OR51B5: variants seen among roughly 807,000 people sequenced by gnomAD.
The protein encoded by OR51B5 is olfactory receptor 51B5.
For synonymous variants in OR51B5, 186 were observed against 144.8 expected (o/e 1.28, Z -2.04); for missense variants, 456 against 374.6 (o/e 1.22, Z -1.79).
At chr11:5,347,703 TG>T (rs1388312760), upstream of OR51B5, among the ~76,000 whole-genome samples, 1 of 152,002 alleles carries the variant, frequency 6.6e-6, no homozygotes, top group African/African-American at 2.4e-5. Context: ...TGAGTTGTGC[TG>T]TTCAAAGCCC....
At chr11:5,502,535 C>T (rs1359671567) in intron 1 of OR51B5, among the ~76,000 whole-genome samples, 1 of 152,158 alleles carries the variant, frequency 6.6e-6, no homozygotes, top group Non-Finnish European at 1.5e-5. Context: ...CTGCCATATG[C>T]ACTAGCAATT....
At chr11:5,375,139 C>T (rs1379527283) in intron 1 of OR51B5, among the ~76,000 whole-genome samples, 1 of 147,506 alleles carries the variant, frequency 6.8e-6, no homozygotes, top group African/African-American at 2.5e-5. Flanking sequence ...GCTCTCTTGG[C>T]AGAAACTCTA....
intron 1 of OR51B5, among the ~76,000 whole-genome samples, chr11:5,374,374 G>C (rs150740845): frequency 2.0e-5 from 3 of 152,186 alleles, no homozygotes; most frequent in Admixed American, 6.5e-5. Context: ...CAACCACAAA[G>C]TTGGGGAAAA....
intron 1 of OR51B5, among the ~76,000 whole-genome samples, chr11:5,504,680 CCCCAGTCACTT>C (rs1846347950): frequency 1.3e-5 from 2 of 152,132 alleles, no homozygotes; most frequent in African/African-American, 4.8e-5. Context: ...TATCCAGTGT[CCCCAGTCACTT>C]CCTCATTTGT....
intron 1 of OR51B5, among the ~76,000 whole-genome samples, chr11:5,478,043 C>T (rs1342949985): frequency 1.3e-5 from 2 of 151,858 alleles, no homozygotes; most frequent in Non-Finnish European, 2.9e-5. Context: ...TCTGTAGGCT[C>T]CACCTCTGGG....
intron 1 of OR51B5, among the ~76,000 whole-genome samples, chr11:5,450,192 C>T (rs1019790445): frequency 6.6e-6 from 1 of 151,758 alleles, no homozygotes; most frequent in Non-Finnish European, 1.5e-5. Context: ...TGTTCGAGAC[C>T]AGCCTGGCCA....
intron 1 of OR51B5, among the ~76,000 whole-genome samples, chr11:5,457,842 GT>G (rs967037249): frequency 1.3e-5 from 2 of 151,914 alleles, no homozygotes; most frequent in Admixed American, 1.3e-4. Flanking sequence ...GATTTAAACT[GT>G]TTATAGATTC....
chr11:5,376,730 G>A (rs895430523), intron 1 of OR51B5, among the ~76,000 whole-genome samples: 35 of 151,890 alleles, frequency 2.3e-4, no homozygotes, highest in African/African-American at 8.0e-4. Context: ...TAAATTCCTG[G>A]ACACATACAC....
At chr11:5,365,603 C>T (rs1564923049) in intron 1 of OR51B5, among the ~76,000 whole-genome samples, 1 of 152,186 alleles carries the variant, frequency 6.6e-6, no homozygotes, top group Non-Finnish European at 1.5e-5. Flanking sequence ...ATCGGTTTGC[C>T]ATGACAGGGC....
chr11:5,404,944 G>A (rs1039991686), intron 1 of OR51B5, among the ~76,000 whole-genome samples: 6 of 152,116 alleles, frequency 3.9e-5, no homozygotes, highest in East Asian at 1.9e-4. Flanking sequence ...AACTCTGGAC[G>A]CACCATCTTT....
intron 1 of OR51B5, among the ~76,000 whole-genome samples, chr11:5,405,835 T>C (rs1274530320): frequency 3.9e-5 from 6 of 152,202 alleles, no homozygotes; most frequent in African/African-American, 1.4e-4. Flanking sequence ...GATCTGCAGT[T>C]GTCTATAACC....
intron 1 of OR51B5, chr11:5,469,237 G>C (rs1440223063): frequency 1.2e-5 from 2 of 160,704 alleles, no homozygotes. Context: ...ACAGGAAGTA[G>C]TACATTGGCT....
chr11:5,412,954 T>C (rs543011672), intron 1 of OR51B5, among the ~76,000 whole-genome samples: 89 of 152,212 alleles, frequency 5.8e-4, no homozygotes, highest in South Asian at 4.2e-3. Context: ...TCTCCCAGCA[T>C]GCAGCTGGAG....
Position 5,343,516 on chromosome 11 carries a change from G to A in OR51B5, c.9C>T (p.Ser3=), listed in dbSNP as rs529505176. The A allele has an allele frequency of 2.6e-5, 24 of 913,826 alleles. No individual in the cohort carries two copies. The South Asian group carries it at 3.2e-4, about 12-fold the overall frequency. The allele number at this position is 913,826 out of a possible 1,614,324, so 56.6% of individuals were successfully genotyped here. ...ATAGGAAGGGATGGGAGCTGCCGCT[G>A]GACGACATCCTGGGTTTATATAGAA... The change falls in exon 1 of 1, where the codon TCC becomes TCT. Residue 3 remains serine (S), a synonymous_variant. Transcript: ENST00000300773.
intron 1 of OR51B5, among the ~76,000 whole-genome samples, chr11:5,394,609 C>A (rs1464854062): frequency 6.6e-6 from 1 of 152,184 alleles, no homozygotes; most frequent in Non-Finnish European, 1.5e-5. Flanking sequence ...TTGAAGTTCA[C>A]AGAATTTTAT....
chr11:5,454,246 T>A lies in OR51B5; in HGVS notation n.84+51323A>T, dbSNP rs1850914060. The A allele has an allele frequency of 2.5e-6, 4 of 1,614,116 alleles. No individual in the cohort carries two copies. The South Asian group carries it at 4.4e-5, about 18-fold the overall frequency. ...ATCCTGGCTGTACTTGCATTTTATG[T>A]GCCAATGATTGGGGTCTCCACAGTG... is the stretch of plus-strand genomic sequence containing the variant. On this transcript the variant is annotated intron_variant and non_coding_transcript_variant, in intron 1 of 4. Transcript: ENST00000415970.
chr11:5,489,484 T>C, intron 1 of OR51B5: 1 of 1,614,086 alleles, frequency 6.2e-7, no homozygotes, highest in Non-Finnish European at 8.5e-7. Context: ...CCCTGCCTTC[T>C]TCTCCTTCCT....
chr11:5,391,087 G>C (rs1230884652), intron 1 of OR51B5: 1 of 152,198 alleles, frequency 6.6e-6, no homozygotes, highest in African/African-American at 2.4e-5. Context: ...AGGTGTTTTA[G>C]TTGTGTGATA....
intron 1 of OR51B5, chr11:5,389,318 C>A: frequency 7.5e-7 from 1 of 1,340,482 alleles, no homozygotes; most frequent in Non-Finnish European, 1.0e-6. Context: ...CATGGTACTG[C>A]TTGTGATGTT....
Sources: allele counts gnomAD v4.1 joint callset (sites outside exome capture counted in the v4.1 genomes callset), GRCh38; gene constraint gnomAD v4.1.1; transcripts MANE v1.5; gene names NCBI Gene and HGNC (gene_info 2026-07-23, HGNC 2026-07-21).